MCC: variants seen among roughly 807,000 people sequenced by gnomAD.
MCC encodes the protein colorectal mutant cancer protein.
A neutral mutation model predicts 116.2 loss-of-function variants in MCC; 90 were observed. The observed-to-expected ratio is 0.77, with a 90% CI of 0.65 to 0.92. The LOEUF is 0.92. Among genes scored for constraint, MCC ranks in the 40% least tolerant of loss-of-function variants. The probability of loss-of-function intolerance (pLI) is 0.00; values close to 1 mark genes in which losing one functional copy is unlikely to be tolerated. For missense variants in MCC, 1,516 were observed against 1,312.2 expected, an observed-to-expected ratio of 1.16 and a Z score of -2.40; for synonymous variants, 578 against 510.5, an observed-to-expected ratio of 1.13 and a Z score of -1.78.
intron 1 of MCC, among the ~76,000 whole-genome samples, chr5:113,424,441 G>A (rs759228288): frequency 6.6e-6 from 1 of 152,164 alleles, no homozygotes. Context: ...CAGTCCAGGT[G>A]TGATGGCTCA....
chr5:113,405,049 T>G (rs906101912), intron 1 of MCC, among the ~76,000 whole-genome samples: 1 of 152,372 alleles, frequency 6.6e-6, no homozygotes, highest in Admixed American at 6.5e-5. Context: ...TTTATTCATA[T>G]GTATGTTTAA....
chr5:113,236,011 C>G (rs576790393), intron 3 of MCC, among the ~76,000 whole-genome samples: 1 of 152,320 alleles, frequency 6.6e-6, no homozygotes, highest in South Asian at 2.1e-4. Flanking sequence ...CCTTGGTCTT[C>G]TAACCTAGGT....
chr5:113,099,564 G>A (rs1290133316), intron 8 of MCC, among the ~76,000 whole-genome samples: 3 of 152,166 alleles, frequency 2.0e-5, no homozygotes, highest in South Asian at 2.1e-4. Flanking sequence ...TTTGCTTTGG[G>A]TGCTATTATT....
At chr5:113,036,012 C>CTTTTTTTTTTTTTT (rs771378295) in intron 17 of MCC, among the ~76,000 whole-genome samples, 1 of 62,942 alleles carries the variant, frequency 1.6e-5, no homozygotes, top group African/African-American at 6.5e-5. Flanking sequence ...GGATGAGGAA[C>CTTTTTTTTTTTTTT]TTTTTTTTTT....
intron 1 of MCC, among the ~76,000 whole-genome samples, chr5:113,467,741 G>A (rs1771956507): frequency 6.6e-6 from 1 of 152,196 alleles, no homozygotes; most frequent in South Asian, 2.1e-4. Flanking sequence ...GTAGCTTGAT[G>A]GGGATGGCAC....
chr5:113,100,493 A>G (rs966255988), intron 8 of MCC, among the ~76,000 whole-genome samples: 3 of 80,328 alleles, frequency 3.7e-5, no homozygotes, highest in Non-Finnish European at 5.9e-5. Flanking sequence ...TTTTTTGGAC[A>G]TGGAGTCTCC....
chr5:113,065,013 C>A (rs1027086032), intron 13 of MCC, among the ~76,000 whole-genome samples: 1 of 152,080 alleles, frequency 6.6e-6, no homozygotes, highest in African/African-American at 2.4e-5. Context: ...AGAACAACAG[C>A]AACAGCAATG....
intron 1 of MCC, among the ~76,000 whole-genome samples, chr5:113,412,674 G>T (rs1770024915): frequency 6.6e-6 from 1 of 152,224 alleles, no homozygotes; most frequent in African/African-American, 2.4e-5. Context: ...ATTTTGGGCT[G>T]AGATGATGGG....
intron 3 of MCC, among the ~76,000 whole-genome samples, chr5:113,243,055 T>C (rs1018339130): frequency 5.3e-5 from 8 of 152,220 alleles, no homozygotes; most frequent in African/African-American, 1.9e-4. Context: ...AATGTAGTGG[T>C]CTAATGAATT....
intron 1 of MCC, among the ~76,000 whole-genome samples, chr5:113,458,301 AC>A (rs1198064793): frequency 2.0e-5 from 3 of 151,942 alleles, no homozygotes; most frequent in African/African-American, 7.3e-5. Flanking sequence ...CCATGAGCCC[AC>A]CGGGAGGAAG....
chr5:113,458,132 G>C (rs1018347710), intron 1 of MCC, among the ~76,000 whole-genome samples: 6 of 152,216 alleles, frequency 3.9e-5, no homozygotes, highest in African/African-American at 1.4e-4. Context: ...CGAGCTAGCA[G>C]TGGCAACCCA....
At chr5:113,312,700 G>T (rs750485731) in intron 3 of MCC, among the ~76,000 whole-genome samples, 1 of 152,220 alleles carries the variant, frequency 6.6e-6, no homozygotes, top group East Asian at 1.9e-4. Context: ...TTTTAAGATG[G>T]ATACAAGTTA....
intron 17 of MCC, among the ~76,000 whole-genome samples, chr5:113,038,929 G>T (rs74629655): frequency 0.016 from 2,373 of 152,342 alleles, 61 homozygotes; most frequent in African/African-American, 0.054. Context: ...CAAACACGCA[G>T]ACACAGATGG....
intron 4 of MCC, among the ~76,000 whole-genome samples, chr5:113,144,675 C>G (rs1759385046): frequency 1.3e-5 from 2 of 152,228 alleles, no homozygotes; most frequent in Non-Finnish European, 2.9e-5. Flanking sequence ...TGGTATCAAT[C>G]ATGGTAGGGC....
intron 9 of MCC, among the ~76,000 whole-genome samples, chr5:113,084,860 C>G (rs1341212050): frequency 6.6e-6 from 1 of 152,200 alleles, no homozygotes. Flanking sequence ...CAACTCTGTC[C>G]ACTGTGAAGT....
Position 113,358,356 on chromosome 5 carries a change from G to T in MCC, c.416-17626C>A, listed in dbSNP as rs116792947. Among the ~76,000 whole-genome samples the T allele has an allele frequency of 2.0e-3, 302 of 152,254 alleles. 1 individual carries two copies. The highest frequency in any genetic ancestry group is 7.0e-3 in the African/African-American group (290 of 41,542). On this transcript the variant is annotated intron_variant, in intron 2 of 18. Transcript: ENST00000408903. ...ATCTGCACTTCCTGGCAGCAGTAAT[G>T]ACTTAAAAGCAGAGTAGGCATGATT...
intron 3 of MCC, among the ~76,000 whole-genome samples, chr5:113,197,836 A>T (rs527343209): frequency 5.3e-5 from 8 of 152,234 alleles, no homozygotes; most frequent in African/African-American, 1.7e-4. Flanking sequence ...AAGGTGGCCA[A>T]CTCCAGAGCC....
chr5:113,397,255 A>G (rs1769550890), intron 1 of MCC, among the ~76,000 whole-genome samples: 1 of 152,216 alleles, frequency 6.6e-6, no homozygotes, highest in Admixed American at 6.5e-5. Context: ...ACTGTCTTAA[A>G]GCACTCACCA....
chr5:113,114,475 G>A (rs553744350), intron 6 of MCC, among the ~76,000 whole-genome samples: 1 of 152,322 alleles, frequency 6.6e-6, no homozygotes, highest in Non-Finnish European at 1.5e-5. Context: ...AAGGTCCCTG[G>A]CGAAGCCCCA....
Sources: allele counts gnomAD v4.1 joint callset (sites outside exome capture counted in the v4.1 genomes callset), GRCh38; gene constraint gnomAD v4.1.1; transcripts MANE v1.5; gene names NCBI Gene and HGNC (gene_info 2026-07-23, HGNC 2026-07-21).